Variants in PDE4D observed in about 807,000 individuals in gnomAD.
The protein encoded by PDE4D is 3',5'-cyclic-AMP phosphodiesterase 4D.
A neutral mutation model predicts 87.4 loss-of-function variants in PDE4D; 24 were observed. That is an observed-to-expected ratio of 0.27 (90% CI 0.20 to 0.39). The LOEUF (loss-of-function observed/expected upper bound fraction) is 0.39, where lower values mean the gene tolerates loss of function less well. PDE4D is among the 10% of genes least tolerant of loss of function. The pLI is 1.00. For missense variants in PDE4D, 714 were observed against 1,041.0 expected (o/e 0.69, Z 4.32); for synonymous variants, 384 against 383.2 (o/e 1.00, Z -0.02).
At position 59,653,208 on chromosome 5, in the gene PDE4D, A is replaced by ATTTTTT. The variant is rs555841091; in HGVS notation, c.455+239954_455+239959dup. On this transcript the variant is annotated intron_variant, in intron 1 of 14. Transcript: ENST00000340635. ...TCAAATAATGTTAGCAAAAAAAAAA[A>ATTTTTT]TTTTTTTTTTTTTTTTTAGACAGAG... 5.8e-3 allele frequency among the ~76,000 whole-genome samples: 725 copies of ATTTTTT among 125,708 alleles called. 30 individuals carry two copies. Among genetic ancestry groups the ATTTTTT allele is most frequent in the East Asian group, 0.029 (123 of 4,296 alleles). 82.5% of individuals were successfully genotyped at this position (125,708 alleles called of 152,430 possible).
At chr5:60,140,757 C>A (rs887507044) in intron 2 of PDE4D, among the ~76,000 whole-genome samples, 2 of 152,010 alleles carry the variant, frequency 1.3e-5, no homozygotes, top group African/African-American at 2.4e-5. Flanking sequence ...TAGAACCTAA[C>A]AAAGAATGGA....
At chr5:59,078,208 A>T (rs528166209) in intron 5 of PDE4D, among the ~76,000 whole-genome samples, 1 of 152,344 alleles carries the variant, frequency 6.6e-6, no homozygotes, top group Admixed American at 6.5e-5. Flanking sequence ...TCAGTAAGAA[A>T]ATAGTTAAAG....
At chr5:59,550,189 C>T (rs1405435358) in intron 1 of PDE4D, among the ~76,000 whole-genome samples, 1 of 151,708 alleles carries the variant, frequency 6.6e-6, no homozygotes, top group African/African-American at 2.4e-5. Flanking sequence ...TGAAAATCTA[C>T]CATGTTAAAA....
chr5:60,111,420 C>T (rs1054197377), intron 2 of PDE4D, among the ~76,000 whole-genome samples: 2 of 151,954 alleles, frequency 1.3e-5, no homozygotes, highest in Non-Finnish European at 2.9e-5. Flanking sequence ...TTTGAACATT[C>T]ACCCAGAAAA....
intron 2 of PDE4D, among the ~76,000 whole-genome samples, chr5:60,020,999 C>A (rs1766011618): frequency 6.6e-6 from 1 of 152,146 alleles, no homozygotes; most frequent in African/African-American, 2.4e-5. Context: ...TCAAACCAAT[C>A]ATTTGGGATC....
intron 6 of PDE4D, among the ~76,000 whole-genome samples, chr5:59,038,338 T>C (rs1758919576): frequency 6.6e-6 from 1 of 152,182 alleles, no homozygotes; most frequent in South Asian, 2.1e-4. Flanking sequence ...TAAGGAACCT[T>C]CTAACTCTGT....
intron 1 of PDE4D, among the ~76,000 whole-genome samples, chr5:59,269,914 C>G (rs113189914): frequency 6.6e-6 from 1 of 151,954 alleles, no homozygotes; most frequent in South Asian, 2.1e-4. Flanking sequence ...CATTGACCTG[C>G]CTTGCCCCTT....
At chr5:59,849,750 G>A (rs1300581405) in intron 1 of PDE4D, among the ~76,000 whole-genome samples, 2 of 151,768 alleles carry the variant, frequency 1.3e-5, no homozygotes, top group African/African-American at 4.8e-5. Flanking sequence ...TTTCTGAAGT[G>A]TCTAATGCAT....
chr5:59,551,482 C>CAA (rs1818112038), intron 1 of PDE4D, among the ~76,000 whole-genome samples: 1 of 151,382 alleles, frequency 6.6e-6, no homozygotes, highest in African/African-American at 2.4e-5. Flanking sequence ...CACACACACA[C>CAA]ACACACACAC....
rs80271218 is a variant in PDE4D, at chr5:59,288,764, A to C, written c.456-72796T>G. Among the ~76,000 whole-genome samples the C allele has an allele frequency of 3.3e-4, 51 of 152,278 alleles. No individual in the cohort carries two copies. The East Asian group carries it at 9.5e-3, about 28-fold the overall frequency. ...CAATATATCTGGCAGCAGACTTCTC[A>C]GTGGAAACCTTATAGGGCAGGAGAC... is the stretch of plus-strand genomic sequence containing the variant. On this transcript the variant is annotated intron_variant, in intron 1 of 14. Coordinates refer to ENST00000340635, the MANE Select transcript of PDE4D (RefSeq NM_001104631.2).
intron 1 of PDE4D, among the ~76,000 whole-genome samples, chr5:59,873,135 A>C (rs1241027226): frequency 1.3e-5 from 2 of 152,218 alleles, no homozygotes; most frequent in African/African-American, 4.8e-5. Flanking sequence ...TATATACTAC[A>C]TAGAGTCAAG....
At chr5:59,855,448 C>G (rs1745289597) in intron 1 of PDE4D, among the ~76,000 whole-genome samples, 1 of 152,114 alleles carries the variant, frequency 6.6e-6, no homozygotes, top group Non-Finnish European at 1.5e-5. Context: ...GTGTATGTCA[C>G]AAAAATGTTC....
chr5:59,815,767 G>A (rs1768907229), intron 1 of PDE4D, among the ~76,000 whole-genome samples: 1 of 152,170 alleles, frequency 6.6e-6, no homozygotes, highest in South Asian at 2.1e-4. Context: ...GTGGTCTGAG[G>A]AACACAAATA....
intron 1 of PDE4D, among the ~76,000 whole-genome samples, chr5:59,404,792 A>G (rs1251529555): frequency 6.6e-6 from 1 of 151,984 alleles, no homozygotes; most frequent in Non-Finnish European, 1.5e-5. Flanking sequence ...TGATTTTTGT[A>G]TACGGCAAGA....
chr5:60,420,874 G>T (rs1743030139), intron 1 of PDE4D, among the ~76,000 whole-genome samples: 1 of 152,250 alleles, frequency 6.6e-6, no homozygotes. Context: ...AGCAGACCAG[G>T]AGATTCTCTC....
chr5:60,068,841 A>G (rs1413694173), intron 2 of PDE4D, among the ~76,000 whole-genome samples: 1 of 152,138 alleles, frequency 6.6e-6, no homozygotes. Context: ...AGCTCAAACA[A>G]TTCACCCACA....
chr5:59,233,556 C>T (rs1755707542), intron 1 of PDE4D, among the ~76,000 whole-genome samples: 1 of 152,152 alleles, frequency 6.6e-6, no homozygotes, highest in African/African-American at 2.4e-5. Flanking sequence ...AATCAGATGC[C>T]TAAGACCATT....
intron 5 of PDE4D, among the ~76,000 whole-genome samples, chr5:59,106,425 T>C (rs1407268973): frequency 6.6e-6 from 1 of 152,200 alleles, no homozygotes; most frequent in African/African-American, 2.4e-5. Flanking sequence ...TGTATATTTT[T>C]CCAAGGTAAG....
intron 1 of PDE4D, among the ~76,000 whole-genome samples, chr5:60,282,964 A>G (rs1752080635): frequency 6.6e-6 from 1 of 152,202 alleles, no homozygotes; most frequent in African/African-American, 2.4e-5. Context: ...TATTTCATGC[A>G]CATTTGAAAA....
Sources: gnomAD v4.1 joint callset for allele counts (sites outside exome capture counted in the v4.1 genomes callset) on GRCh38, gnomAD v4.1.1 for gene constraint, MANE v1.5 for transcripts, NCBI Gene and HGNC (gene_info 2026-07-23, HGNC 2026-07-21) for gene names.